Variants in KCNT1 observed in about 807,000 individuals in gnomAD.
The protein encoded by KCNT1 is potassium channel subfamily T member 1.
In KCNT1, 78 loss-of-function variants were observed where a neutral mutation model predicts 147.8. The observed-to-expected ratio is 0.53, with a 90% CI of 0.44 to 0.64. The LOEUF (loss-of-function observed/expected upper bound fraction) is 0.64, where lower values mean the gene tolerates loss of function less well. KCNT1 is among the 30% of genes least tolerant of loss of function. The pLI is 0.00. For missense variants in KCNT1, 1,419 were observed against 1,750.3 expected, an observed-to-expected ratio of 0.81 and a Z score of 3.38; for synonymous variants, 867 against 748.8, an observed-to-expected ratio of 1.16 and a Z score of -2.58.
At chr9:135,733,875 C>G (rs1830228782) in intron 2 of KCNT1, among the ~76,000 whole-genome samples, 1 of 150,868 alleles carries the variant, frequency 6.6e-6, no homozygotes, top group Non-Finnish European at 1.5e-5. Context: ...TAATCCACCC[C>G]CCGCCTGCTC....
intron 17 of KCNT1, among the ~76,000 whole-genome samples, 155 bp from the exon 18 acceptor site, chr9:135,770,702 G>A (rs1238283637): frequency 1.3e-5 from 2 of 152,230 alleles, no homozygotes; most frequent in African/African-American, 2.4e-5. Context: ...CCTCTGGGAC[G>A]GGAGGGCTCA....
chr9:135,711,191 C>A (rs1413217034), intron 1 of KCNT1, among the ~76,000 whole-genome samples: 2 of 152,226 alleles, frequency 1.3e-5, no homozygotes, highest in Non-Finnish European at 2.9e-5. Context: ...ATGGCAAGGG[C>A]AGCCTCACAT....
At chr9:135,786,000 C>T in intron 28 of KCNT1, 197 bp from the exon 29 acceptor site, 1 of 596,748 alleles carries the variant, frequency 1.7e-6, no homozygotes. Context: ...AGGAGGAAAC[C>T]AGGCACATTC....
chr9:135,768,249 G>A (rs1204246776), intron 13 of KCNT1, among the ~76,000 whole-genome samples: 4 of 39,978 alleles, frequency 1.0e-4, no homozygotes, highest in Non-Finnish European at 2.4e-4. Flanking sequence ...GCGGGGGGGG[G>A]GGGGGGGGCA....
intron 17 of KCNT1, 95 bp downstream of exon 17, chr9:135,770,542 G>A: frequency 4.1e-6 from 6 of 1,477,666 alleles, no homozygotes; most frequent in African/African-American, 1.4e-5. Flanking sequence ...GTGGCCCTGG[G>A]GCGGGGCTGC....
chr9:135,739,155 C>T (rs1018438103), intron 2 of KCNT1, among the ~76,000 whole-genome samples: 1 of 152,116 alleles, frequency 6.6e-6, no homozygotes, highest in East Asian at 1.9e-4. Flanking sequence ...CCTAGCACTG[C>T]ACTGGGCAGG....
At chr9:135,722,733 C>G (rs140788870) in intron 2 of KCNT1, among the ~76,000 whole-genome samples, 1 of 152,168 alleles carries the variant, frequency 6.6e-6, no homozygotes, top group Non-Finnish European at 1.5e-5. Flanking sequence ...ACTGCGCCCA[C>G]GGGGCAGAGA....
chr9:135,742,611 C>T (rs1280383063), intron 2 of KCNT1, among the ~76,000 whole-genome samples: 2 of 61,728 alleles, frequency 3.2e-5, no homozygotes, highest in East Asian at 1.1e-3. Flanking sequence ...TCCGGGCCCC[C>T]CAGAGCCTCC....
At chr9:135,771,159 C>T in intron 18 of KCNT1, 64 bp downstream of exon 18, 1 of 1,443,420 alleles carries the variant, frequency 6.9e-7, no homozygotes, top group Non-Finnish European at 9.5e-7. Context: ...CCAGGCGGGA[C>T]ACCGGCAGGT....
At chr9:135,747,570 C>T (rs115617366) in intron 2 of KCNT1, among the ~76,000 whole-genome samples, 2 of 152,086 alleles carry the variant, frequency 1.3e-5, no homozygotes, top group African/African-American at 4.8e-5. Flanking sequence ...GAGAGAAAGA[C>T]GGCGGACAGA....
chr9:135,788,233 G>A, intron 29 of KCNT1: 1 of 1,290,592 alleles, frequency 7.7e-7, no homozygotes, highest in African/African-American at 1.5e-5. Flanking sequence ...CGGCAGCCTT[G>A]CTGCGCCATC....
chr9:135,774,313 TGTGTGTTGTGTGTCTGG>T (rs1832978037), intron 19 of KCNT1, among the ~76,000 whole-genome samples: 1 of 147,086 alleles, frequency 6.8e-6, no homozygotes, highest in South Asian at 2.2e-4. Flanking sequence ...GTCTGTGTGC[TGTGTGTTGTGTGTCTGG>T]GTGTGTTGTG....
At position 135,770,920 on chromosome 9, in the gene KCNT1, G is replaced by A. The variant is rs755787639; in HGVS notation, c.1833G>A (p.Gly611=). 2.1e-5 allele frequency: 34 copies of A among 1,611,202 alleles called. No homozygotes were observed. The South Asian group carries it at 2.3e-4, about 11-fold the overall frequency. Residue 611 remains glycine (G), a synonymous_variant, in exon 18 of 31, where the codon GGG becomes GGA. Transcript: ENST00000371757. ...EDNKSILLNP[G]PRHILAASDT... is the part of the protein sequence containing the mutation. ...ACAAGAGCATCCTGCTGAACCCGGG[G>A]CCCCGGCACATCCTGGCCGCCTCTG...
chr9:135,756,968 T>TGCCCCCCCCCCCCCC, intron 7 of KCNT1, 36 bp downstream of exon 7: 1 of 852,572 alleles, frequency 1.2e-6, no homozygotes, highest in Non-Finnish European at 1.6e-6. Flanking sequence ...TCACAGGGGG[T>TGCCCCCCCCCCCCCC]CCCCACCCTC....
chr9:135,725,469 G>A (rs956731376), intron 2 of KCNT1, among the ~76,000 whole-genome samples: 1 of 152,216 alleles, frequency 6.6e-6, no homozygotes, highest in South Asian at 2.1e-4. Flanking sequence ...ACGCTACCAC[G>A]AGCCCAGGGC....
chr9:135,717,093 G>A (rs1564316326), intron 2 of KCNT1, among the ~76,000 whole-genome samples: 1 of 150,340 alleles, frequency 6.7e-6, no homozygotes, highest in Non-Finnish European at 1.5e-5. Context: ...TGGTATTGGT[G>A]TCTATAGGAC....
intron 20 of KCNT1, among the ~76,000 whole-genome samples, chr9:135,776,980 A>G (rs1298763420): frequency 6.6e-6 from 1 of 152,268 alleles, no homozygotes; most frequent in African/African-American, 2.4e-5. Context: ...AGACCTGGGC[A>G]CGTGGCGTGC....
Position 135,759,648 on chromosome 9 carries a change from C to G in KCNT1, c.855-31C>G, listed in dbSNP as rs1453996225. ...GCCACGGCCCCCCAGCTCCTGGGCCCCAGGCCGCCCCTCACTGCCAGGGGT... is the reference window on the plus strand; with the variant it reads ...GCCACGGCCCCCCAGCTCCTGGGCCGCAGGCCGCCCCTCACTGCCAGGGGT... On this transcript the variant is annotated intron_variant, in intron 10 of 30. Coordinates refer to ENST00000371757, the MANE Select transcript of KCNT1 (RefSeq NM_020822.3). 5 of 1,569,220 alleles carry G rather than the reference C, an allele frequency of 3.2e-6. No individual in the cohort carries two copies. The South Asian group carries it at 6.0e-5, about 19-fold the overall frequency.
chr9:135,777,398 A>G lies in KCNT1; in HGVS notation c.2410A>G (p.Ile804Val), dbSNP rs1207405619. The G allele has an allele frequency of 8.7e-6, 14 of 1,613,996 alleles. No homozygotes were observed. The Admixed American group carries it at 1.5e-4, about 17-fold the overall frequency. The change falls in exon 21 of 31, where the codon ATC becomes GTC. Residue 804 changes from isoleucine to valine, a missense_variant. This residue lies in a region of KCNT1 where 247 missense variants were observed against 397.1 expected (regional missense o/e 0.62). Coordinates refer to ENST00000371757, the MANE Select transcript of KCNT1 (RefSeq NM_020822.3). ...KAYGFKNKLI[I>V]VSAETAGNGL... ...CTACGGGTTCAAGAACAAGCTGATC[A>G]TCGTCTCGGCAGAGACGGCCGGCAA...
Sources: gnomAD v4.1 joint callset for allele counts (sites outside exome capture counted in the v4.1 genomes callset) on GRCh38, gnomAD v4.1.1 for gene constraint, gnomAD v4.1.1 regional missense constraint, MANE v1.5 for transcripts, NCBI Gene and HGNC (gene_info 2026-07-23, HGNC 2026-07-21) for gene names.